B3GALNT2: variants seen among roughly 807,000 people sequenced by gnomAD.
The protein encoded by B3GALNT2 is UDP-GalNAc:beta-1,3-N-acetylgalactosaminyltransferase 2.
B3GALNT2 carries 53 observed loss-of-function variants against 61.1 expected under a neutral mutation model. The observed-to-expected ratio is 0.87, with a 90% CI of 0.70 to 1.09. B3GALNT2 has a LOEUF of 1.09. B3GALNT2 is among the 50% of genes least tolerant of loss of function. B3GALNT2 has a pLI of 0.00. For missense variants in B3GALNT2, 544 were observed against 623.0 expected, an observed-to-expected ratio of 0.87 and a Z score of 1.35; for synonymous variants, 223 against 237.4, an observed-to-expected ratio of 0.94 and a Z score of 0.56.
rs890294487 is a variant in B3GALNT2 at position 235,448,196 on chromosome 1, T to G, written c.*2010A>C. ...GCCTGGGCGACAGAGCAAGACTTACTTAAGTAAGTAAGTAAGTCAGTCTCA... is the reference window on the plus strand; with the variant it reads ...GCCTGGGCGACAGAGCAAGACTTACGTAAGTAAGTAAGTAAGTCAGTCTCA... On this transcript the variant is annotated 3_prime_UTR_variant, in exon 12 of 12. Coordinates refer to ENST00000366600, the MANE Select transcript of B3GALNT2 (RefSeq NM_152490.5). Among the ~76,000 whole-genome samples the G allele has an allele frequency of 2.2e-5, 3 of 139,000 alleles. No homozygotes were observed. Among genetic ancestry groups the G allele is most frequent in the Non-Finnish European group, 4.5e-5 (3 of 66,246 alleles). The allele number at this position is 139,000 out of a possible 152,430, so 91.2% of individuals were successfully genotyped here.
chr1:235,455,315 G>T (rs1683109746), intron 9 of B3GALNT2, among the ~76,000 whole-genome samples: 1 of 151,948 alleles, frequency 6.6e-6, no homozygotes, highest in Admixed American at 6.6e-5. Context: ...TTGCAACGTT[G>T]CCCAGGCTAG....
chr1:235,440,032 G>A, the B3GALNT2 span, among the ~76,000 whole-genome samples: 13 of 151,886 alleles, frequency 8.6e-5, no homozygotes, highest in South Asian at 1.5e-3. Flanking sequence ...GTGCAGTGCC[G>A]CGATCTCCGC....
chr1:235,479,069 C>A (rs1324644269), intron 5 of B3GALNT2: 2 of 152,092 alleles, frequency 1.3e-5, no homozygotes, highest in African/African-American at 2.4e-5. Flanking sequence ...AAAAGGAGAT[C>A]CCTTTGACAC....
Position 235,482,346 on chromosome 1 carries a change from C to T in B3GALNT2, c.555+1976G>A, listed in dbSNP as rs768909729. Among the ~76,000 whole-genome samples, 62 of 152,088 alleles carry T rather than the reference C, an allele frequency of 4.1e-4. 1 individual carries two copies. Among genetic ancestry groups the T allele is most frequent in the Non-Finnish European group, 3.8e-4 (26 of 67,998 alleles). On this transcript the variant is annotated intron_variant, in intron 4 of 11. Transcript: ENST00000366600. ...TCTTTCTGCTTGAAAATTAAGAGGACAGAGTTGGGGCAAACACATCAATTA... is the reference window on the plus strand; with the variant it reads ...TCTTTCTGCTTGAAAATTAAGAGGATAGAGTTGGGGCAAACACATCAATTA...
intron 5 of B3GALNT2, chr1:235,479,025 A>C (rs566163348): frequency 2.0e-4 from 30 of 152,324 alleles, no homozygotes; most frequent in African/African-American, 7.0e-4. Context: ...TAGCGTATTC[A>C]GAAGTTTTTA....
intron 4 of B3GALNT2, among the ~76,000 whole-genome samples, chr1:235,483,727 G>C (rs1210010944): frequency 6.6e-6 from 1 of 152,100 alleles, no homozygotes; most frequent in Non-Finnish European, 1.5e-5. Flanking sequence ...GTGGCTATAG[G>C]GTTTACTGAA....
chr1:235,442,008 A>ATT, the B3GALNT2 span: 1,193 of 594,044 alleles, frequency 2.0e-3, no homozygotes, highest in Middle Eastern at 4.0e-3. Flanking sequence ...TTAAATGAAA[A>ATT]TTTTTTTTTT....
At chr1:235,469,430 T>C (rs554600360) in intron 6 of B3GALNT2, among the ~76,000 whole-genome samples, 1 of 152,242 alleles carries the variant, frequency 6.6e-6, no homozygotes, top group African/African-American at 2.4e-5. Flanking sequence ...CTATATTTAC[T>C]TTGAGAAATT....
intron 5 of B3GALNT2, among the ~76,000 whole-genome samples, chr1:235,473,910 C>T (rs1016129829): frequency 2.0e-5 from 3 of 152,196 alleles, no homozygotes; most frequent in Non-Finnish European, 4.4e-5. Flanking sequence ...TGCTATTTCA[C>T]AGTGGGTCCT....
chr1:235,453,667 G>A (rs528634657), intron 10 of B3GALNT2, among the ~76,000 whole-genome samples: 1 of 152,216 alleles, frequency 6.6e-6, no homozygotes, highest in Non-Finnish European at 1.5e-5. Flanking sequence ...GGCTGGTTTT[G>A]AACTCCTAAC....
At chr1:235,443,236 CTG>C (rs1047983967), downstream of B3GALNT2, among the ~76,000 whole-genome samples, 2 of 152,036 alleles carry the variant, frequency 1.3e-5, no homozygotes, top group Admixed American at 1.3e-4. Flanking sequence ...GGGCCTCACT[CTG>C]TCACCCAGGT....
Position 235,504,244 on chromosome 1 carries a change from G to C in B3GALNT2, c.9C>G (p.Asn3Lys), listed in dbSNP as rs1000058314. The C allele has an allele frequency of 6.7e-7, 1 of 1,486,682 alleles. No homozygotes were observed. Among genetic ancestry groups the C allele is most frequent in the Non-Finnish European group, 8.9e-7 (1 of 1,124,554 alleles). The allele number at this position is 1,486,682 out of a possible 1,614,324, so 92.1% of individuals were successfully genotyped here. Reference sequence around the variant, plus strand: ...CACACGGGCACAGCAGCACCAGCCAGTTTCGCATTGGCCGCCCCCGCCGCG... The same window carrying C: ...CACACGGGCACAGCAGCACCAGCCACTTTCGCATTGGCCGCCCCCGCCGCG... MR[N>K]WLVLLCPCVL... Residue 3 changes from asparagine (N) to lysine (K), a missense_variant, in exon 1 of 12, where the codon AAC becomes AAG. By Grantham distance (94) the Asn-to-Lys change is moderately conservative (BLOSUM62 0). Transcript: ENST00000366600.
intron 1 of B3GALNT2, among the ~76,000 whole-genome samples, chr1:235,496,552 T>C (rs1213908228): frequency 6.6e-6 from 1 of 150,686 alleles, no homozygotes; most frequent in Non-Finnish European, 1.5e-5. Flanking sequence ...TGTTTCTTTT[T>C]TTTTTTTTTT....
At chr1:235,501,702 A>C (rs1685588197) in intron 1 of B3GALNT2, among the ~76,000 whole-genome samples, 1 of 152,238 alleles carries the variant, frequency 6.6e-6, no homozygotes, top group Non-Finnish European at 1.5e-5. Context: ...CTTTCAAAAA[A>C]AACAAAGAAA....
intron 3 of B3GALNT2, among the ~76,000 whole-genome samples, chr1:235,488,479 C>T (rs1372008070): frequency 6.6e-6 from 1 of 150,650 alleles, no homozygotes; most frequent in South Asian, 2.1e-4. Flanking sequence ...GTCAGGAGTT[C>T]GAGGCCAGCC....
At chr1:235,455,465 AACC>A in intron 9 of B3GALNT2, 91 bp downstream of exon 9, 1 of 1,369,334 alleles carries the variant, frequency 7.3e-7, no homozygotes, top group Non-Finnish European at 1.0e-6. Context: ...TGTATATCTC[AACC>A]ACATTTTCAA....
In B3GALNT2 at chr1:235,458,725, C is replaced by T. The variant is rs1212203063; in HGVS notation, c.903G>A (p.Arg301=). 6.2e-7 allele frequency: 1 copy of T among 1,612,556 alleles called. No individual in the cohort carries two copies. Among genetic ancestry groups the T allele is most frequent in the Non-Finnish European group, 8.5e-7 (1 of 1,179,454 alleles). ...SRPQRLIDHI[R]NLHEEDALLK... ...GTAAGGCATCTTCCTCATGGAGATTCCTTATATGATCAATAAGTCTTTGAG... is the reference window on the plus strand; with the variant it reads ...GTAAGGCATCTTCCTCATGGAGATTTCTTATATGATCAATAAGTCTTTGAG... Residue 301 remains arginine (R), a synonymous_variant, in exon 8 of 12, where the codon AGG becomes AGA. Coordinates refer to ENST00000366600, the MANE Select transcript of B3GALNT2 (RefSeq NM_152490.5).
rs55666590 is a variant in B3GALNT2, at chr1:235,480,905, C to CAAAAAAAAAA, written c.556-766_556-757dup. ...TGGACCGCAGAGCCAGACTCTGTCT[C>CAAAAAAAAAA]AAAAAAAAAAAAAAAAAAAAAAAAA... is the stretch of plus-strand genomic sequence containing the variant. On this transcript the variant is annotated intron_variant, in intron 4 of 11. Transcript: ENST00000366600. Among the ~76,000 whole-genome samples the CAAAAAAAAAA allele has an allele frequency of 1.6e-4, 5 of 31,138 alleles. 2 individuals are homozygous for CAAAAAAAAAA. The highest frequency in any genetic ancestry group is 2.7e-4 in the Non-Finnish European group (5 of 18,446). 20.4% of individuals were successfully genotyped at this position (31,138 alleles called of 152,430 possible).
At chr1:235,494,302 ACT>A (rs989271740) in intron 2 of B3GALNT2, among the ~76,000 whole-genome samples, 1 of 151,974 alleles carries the variant, frequency 6.6e-6, no homozygotes, top group African/African-American at 2.4e-5. Flanking sequence ...CAGTGAATAT[ACT>A]CTCTTCCAAT....
Sources: gnomAD v4.1 joint callset for allele counts (sites outside exome capture counted in the v4.1 genomes callset) on GRCh38, gnomAD v4.1.1 for gene constraint, MANE v1.5 for transcripts, NCBI Gene and HGNC (gene_info 2026-07-23, HGNC 2026-07-21) for gene names.